RPS6KC1: variants seen among roughly 807,000 people sequenced by gnomAD.
The protein encoded by RPS6KC1 is ribosomal protein S6 kinase C1.
RPS6KC1 carries 54 observed loss-of-function variants against 103.8 expected under a neutral mutation model. The ratio of observed to expected loss-of-function variants is 0.52; its 90% CI spans 0.42 to 0.65. The LOEUF (loss-of-function observed/expected upper bound fraction) is 0.65. Ranked by LOEUF, RPS6KC1 falls within the 30% of genes least tolerant of loss-of-function variation. RPS6KC1 has a pLI of 0.00. For missense variants in RPS6KC1, 1,151 were observed against 1,253.8 expected (o/e 0.92, Z 1.24); for synonymous variants, 439 against 438.7 (o/e 1.00, Z -0.01).
At chr1:213,417,140 C>T in the RPS6KC1 span, among the ~76,000 whole-genome samples, 648 of 152,280 alleles carry the variant, frequency 4.3e-3, 6 homozygotes, top group African/African-American at 0.015. Context: ...ATCACCTCCA[C>T]GGTCTTTCCT....
chr1:213,478,824 A>G, the RPS6KC1 span, among the ~76,000 whole-genome samples: 2 of 152,110 alleles, frequency 1.3e-5, no homozygotes, highest in Non-Finnish European at 2.9e-5. Flanking sequence ...ATAAAATATC[A>G]CGGATGAAGT....
chr1:213,232,356 C>T (rs1186723559), intron 10 of RPS6KC1, 101 bp downstream of exon 10: 29 of 1,454,644 alleles, frequency 2.0e-5, no homozygotes, highest in Non-Finnish European at 2.7e-5. Flanking sequence ...ATATGAAACA[C>T]GTTTAAGAAA....
the RPS6KC1 span, among the ~76,000 whole-genome samples, chr1:213,362,417 T>C: frequency 3.9e-5 from 6 of 152,216 alleles, no homozygotes; most frequent in Non-Finnish European, 5.9e-5. Context: ...GATTTACTCT[T>C]ATATCTCATT....
At chr1:213,204,559 G>A (rs1002314773) in intron 8 of RPS6KC1, among the ~76,000 whole-genome samples, 2 of 151,026 alleles carry the variant, frequency 1.3e-5, no homozygotes, top group African/African-American at 2.4e-5. Flanking sequence ...AAATCTGCAC[G>A]TGCTGTAAGG....
chr1:213,788,340 C>G, the RPS6KC1 span, among the ~76,000 whole-genome samples: 1 of 152,116 alleles, frequency 6.6e-6, no homozygotes, highest in Non-Finnish European at 1.5e-5. Context: ...TTTTATTTAT[C>G]AAGCAGGCAT....
chr1:213,411,866 G>C, the RPS6KC1 span, among the ~76,000 whole-genome samples: 2 of 152,190 alleles, frequency 1.3e-5, no homozygotes, highest in East Asian at 3.8e-4. Context: ...CTCCTTTCTG[G>C]CTGCTGCACC....
chr1:213,818,507 G>A, the RPS6KC1 span: 2 of 152,208 alleles, frequency 1.3e-5, no homozygotes, highest in Non-Finnish European at 2.9e-5. Context: ...AAAAATTCGT[G>A]TGACCCATTT....
the RPS6KC1 span, among the ~76,000 whole-genome samples, chr1:213,471,747 A>AT: frequency 0.03 from 4,365 of 143,926 alleles, 85 homozygotes; most frequent in East Asian, 0.072. Flanking sequence ...TTCTGCCTTC[A>AT]TTTTTTTTTT....
At chr1:213,287,336 G>A in the RPS6KC1 span, among the ~76,000 whole-genome samples, 4 of 151,868 alleles carry the variant, frequency 2.6e-5, no homozygotes, top group African/African-American at 2.4e-5. Context: ...TTTACCAGAC[G>A]TCATTTCTAC....
the RPS6KC1 span, among the ~76,000 whole-genome samples, chr1:213,392,176 T>C: frequency 1.3e-5 from 2 of 152,120 alleles, no homozygotes; most frequent in African/African-American, 2.4e-5. Flanking sequence ...TGTTGAATCA[T>C]TACACGTAGA....
chr1:213,205,844 T>G (rs1216249355), intron 8 of RPS6KC1, among the ~76,000 whole-genome samples: 1 of 151,916 alleles, frequency 6.6e-6, no homozygotes, highest in South Asian at 2.1e-4. Context: ...CCAGAAGTGT[T>G]TCAGATTTTG....
chr1:213,292,691 C>T, the RPS6KC1 span, among the ~76,000 whole-genome samples: 16 of 152,066 alleles, frequency 1.1e-4, no homozygotes, highest in Non-Finnish European at 2.1e-4. Flanking sequence ...TTATGATAGA[C>T]AGTGATTTTC....
the RPS6KC1 span, among the ~76,000 whole-genome samples, chr1:213,471,198 GT>G: frequency 1.3e-5 from 2 of 152,066 alleles, no homozygotes; most frequent in Admixed American, 1.3e-4. Context: ...GGGCAAGTGA[GT>G]CCATTTAAAA....
chr1:213,503,474 G>T, the RPS6KC1 span, among the ~76,000 whole-genome samples: 3 of 152,168 alleles, frequency 2.0e-5, no homozygotes, highest in Admixed American at 2.0e-4. Flanking sequence ...TCTGGATAAG[G>T]TGCCTGTAGC....
intron 7 of RPS6KC1, among the ~76,000 whole-genome samples, chr1:213,174,730 A>G (rs2091750162): frequency 6.6e-6 from 1 of 151,952 alleles, no homozygotes; most frequent in Admixed American, 6.6e-5. Context: ...ACATATTATA[A>G]CACTAAAATA....
At chr1:213,730,657 A>G in the RPS6KC1 span, among the ~76,000 whole-genome samples, 57 of 152,204 alleles carry the variant, frequency 3.7e-4, no homozygotes, top group Non-Finnish European at 1.5e-4. Context: ...AGTTCCTTAT[A>G]GATGCTGAAT....
the RPS6KC1 span, among the ~76,000 whole-genome samples, chr1:213,487,046 C>G: frequency 6.6e-6 from 1 of 152,136 alleles, no homozygotes; most frequent in Non-Finnish European, 1.5e-5. Context: ...CTTTTGGGCC[C>G]ATCTACTTTG....
At chr1:213,475,096 G>A in the RPS6KC1 span, among the ~76,000 whole-genome samples, 1 of 152,236 alleles carries the variant, frequency 6.6e-6, no homozygotes, top group Non-Finnish European at 1.5e-5. Context: ...TGCTGGCAAA[G>A]TGAGTGATTG....
the RPS6KC1 span, among the ~76,000 whole-genome samples, chr1:213,422,188 C>T: frequency 1.3e-5 from 2 of 152,196 alleles, no homozygotes; most frequent in Admixed American, 1.3e-4. Flanking sequence ...CTCCTTCCTC[C>T]AGCCCTCATC....
Sources: gnomAD v4.1 joint callset for allele counts (sites outside exome capture counted in the v4.1 genomes callset) on GRCh38, gnomAD v4.1.1 for gene constraint, MANE v1.5 for transcripts, NCBI Gene and HGNC (gene_info 2026-07-23, HGNC 2026-07-21) for gene names.